Variants in PDE4D observed in about 807,000 individuals in gnomAD.
PDE4D encodes phosphodiesterase 4D.
Under a neutral mutation model 87.4 loss-of-function variants are expected in PDE4D, and 24 were observed. The observed-to-expected ratio is 0.27, with a 90% CI of 0.20 to 0.39. PDE4D has a LOEUF of 0.39. PDE4D is among the 10% of genes least tolerant of loss of function. PDE4D has a pLI of 1.00. For missense variants in PDE4D, 714 were observed against 1,041.0 expected (o/e 0.69, Z 4.32); for synonymous variants, 384 against 383.2 (o/e 1.00, Z -0.02).
intron 1 of PDE4D, among the ~76,000 whole-genome samples, chr5:60,279,142 C>G (rs1751648438): frequency 6.6e-6 from 1 of 152,140 alleles, no homozygotes; most frequent in Admixed American, 6.5e-5. Context: ...GAAGAGGCTC[C>G]TTATTACTGC....
chr5:59,666,637 C>T (rs1487398501), intron 1 of PDE4D, among the ~76,000 whole-genome samples: 1 of 152,180 alleles, frequency 6.6e-6, no homozygotes, highest in East Asian at 1.9e-4. Flanking sequence ...CATAGGAATG[C>T]ATAGCGTGGC....
intron 1 of PDE4D, among the ~76,000 whole-genome samples, chr5:60,237,050 A>G (rs1049809297): frequency 1.1e-4 from 17 of 151,960 alleles, no homozygotes; most frequent in Non-Finnish European, 2.2e-4. Context: ...ACATCACTAC[A>G]CACCTCTTTG....
At chr5:59,415,900 C>CTA (rs1793525084) in intron 1 of PDE4D, among the ~76,000 whole-genome samples, 1 of 152,162 alleles carries the variant, frequency 6.6e-6, no homozygotes, top group South Asian at 2.1e-4. Context: ...CATAATATTT[C>CTA]TATACTCCAG....
chr5:59,628,166 A>T (rs545425070), intron 1 of PDE4D, among the ~76,000 whole-genome samples: 32 of 152,318 alleles, frequency 2.1e-4, no homozygotes, highest in African/African-American at 6.7e-4. Flanking sequence ...GGTATTTTTA[A>T]CTTAATAATG....
chr5:59,039,292 G>T lies in PDE4D; in HGVS notation c.809-321C>A. On this transcript the variant is annotated intron_variant, in intron 5 of 14. Coordinates refer to ENST00000340635, the MANE Select transcript of PDE4D (RefSeq NM_001104631.2). The stretch of plus-strand genomic sequence containing the variant: ...AACCACTATGCGACTTTTCAACTGT[G>T]CGGCGGGCCCGAGTCCCAGTCCAGG... 3 of 1,077,384 alleles carry T rather than the reference G, an allele frequency of 2.8e-6. No homozygotes were observed. The South Asian group carries it at 8.6e-5, about 31-fold the overall frequency. The allele number at this position is 1,077,384 out of a possible 1,614,324, so 66.7% of individuals were successfully genotyped here. A position where few individuals can be genotyped will look rare whatever the true frequency, so the allele number is the denominator to read the frequency against.
chr5:59,352,130 T>C (rs199932323), intron 1 of PDE4D, among the ~76,000 whole-genome samples: 1 of 152,178 alleles, frequency 6.6e-6, no homozygotes, highest in East Asian at 1.9e-4. Flanking sequence ...AGCTAATGCA[T>C]GTATGGGATT....
intron 2 of PDE4D, among the ~76,000 whole-genome samples, chr5:59,199,594 A>G (rs1375922808): frequency 6.6e-6 from 1 of 152,110 alleles, no homozygotes; most frequent in Non-Finnish European, 1.5e-5. Flanking sequence ...CAGCCTAAAA[A>G]CTATCATCCA....
intron 1 of PDE4D, among the ~76,000 whole-genome samples, chr5:59,755,232 A>G (rs1464640418): frequency 6.6e-6 from 1 of 152,160 alleles, no homozygotes; most frequent in Non-Finnish European, 1.5e-5. Flanking sequence ...TAAACAGAGA[A>G]CAGACCTCAG....
intron 1 of PDE4D, among the ~76,000 whole-genome samples, chr5:60,223,104 G>A (rs6889323): frequency 0.027 from 4,133 of 152,178 alleles, 203 homozygotes; most frequent in African/African-American, 0.094. Context: ...TGCACTGAAT[G>A]TCTTGCAGGA....
intron 3 of PDE4D, among the ~76,000 whole-genome samples, chr5:59,939,615 A>G (rs1193287405): frequency 6.6e-6 from 1 of 152,142 alleles, no homozygotes; most frequent in Non-Finnish European, 1.5e-5. Flanking sequence ...CGGTGTTACA[A>G]AGACAAACGA....
At chr5:59,595,963 G>A (rs755353321) in intron 1 of PDE4D, among the ~76,000 whole-genome samples, 17 of 151,558 alleles carry the variant, frequency 1.1e-4, no homozygotes, top group Non-Finnish European at 2.2e-4. Context: ...CTAATTTAAC[G>A]CTTCTTTAAT....
chr5:60,104,757 T>C (rs1041503029), intron 2 of PDE4D, among the ~76,000 whole-genome samples: 29 of 152,208 alleles, frequency 1.9e-4, no homozygotes, highest in Non-Finnish European at 3.4e-4. Context: ...AAACAGGGTC[T>C]GGAGTGGACC....
intron 1 of PDE4D, among the ~76,000 whole-genome samples, chr5:59,220,274 T>C (rs933062749): frequency 6.7e-6 from 1 of 149,064 alleles, no homozygotes; most frequent in South Asian, 2.1e-4. Flanking sequence ...CCCGACACTT[T>C]AGAGGCACAC....
chr5:60,460,403 C>T (rs1194128396), intron 1 of PDE4D: 3 of 1,136,056 alleles, frequency 2.6e-6, no homozygotes, highest in East Asian at 2.4e-5. Flanking sequence ...AGTGCCTCTT[C>T]ATCCTCCTCC....
intron 3 of PDE4D, among the ~76,000 whole-genome samples, chr5:59,944,834 C>T (rs1185407420): frequency 6.6e-6 from 1 of 151,998 alleles, no homozygotes; most frequent in Non-Finnish European, 1.5e-5. Context: ...TCCTCTATAC[C>T]TACTTTCCCT....
chr5:59,168,447 G>A lies in PDE4D; in HGVS notation c.808+12148C>T, dbSNP rs554984123. Reference sequence around the variant, plus strand: ...TGCCCCTGGGCACTCTGGTGACAACGGGCACTTCAGAAGAGTCAGGAAGAG... The same window carrying A: ...TGCCCCTGGGCACTCTGGTGACAACAGGCACTTCAGAAGAGTCAGGAAGAG... On this transcript the variant is annotated intron_variant, in intron 5 of 14. Coordinates refer to ENST00000340635, the MANE Select transcript of PDE4D (RefSeq NM_001104631.2). Among the ~76,000 whole-genome samples the A allele has an allele frequency of 3.9e-5, 6 of 152,268 alleles. No individual in the cohort carries two copies. The East Asian group carries it at 9.7e-4, about 25-fold the overall frequency.
chr5:60,503,887 T>G (rs1440513604), intron 1 of PDE4D, among the ~76,000 whole-genome samples: 2 of 152,072 alleles, frequency 1.3e-5, no homozygotes, highest in African/African-American at 4.8e-5. Context: ...TCCAAAGATA[T>G]GAAAGATGTG....
chr5:59,112,836 T>C, intron 5 of PDE4D, among the ~76,000 whole-genome samples: 1 of 150,432 alleles, frequency 6.6e-6, no homozygotes, highest in South Asian at 2.1e-4. Flanking sequence ...GTTTCGCTCT[T>C]GTTGCCCAGG....
chr5:59,705,175 T>C (rs537856716), intron 1 of PDE4D, among the ~76,000 whole-genome samples: 9 of 152,282 alleles, frequency 5.9e-5, no homozygotes, highest in Admixed American at 3.3e-4. Flanking sequence ...GTGGCAAGAA[T>C]ATAGTAAATG....
Sources: gnomAD v4.1 joint callset for allele counts (sites outside exome capture counted in the v4.1 genomes callset) on GRCh38, gnomAD v4.1.1 for gene constraint, MANE v1.5 for transcripts, NCBI Gene and HGNC (gene_info 2026-07-23, HGNC 2026-07-21) for gene names.